The following SCIN variants were observed in gnomAD, a reference collection of about 807,000 sequenced individuals.
SCIN encodes the protein scinderin.
In SCIN, 91 loss-of-function variants were observed where a neutral mutation model predicts 91.8. The ratio of observed to expected loss-of-function variants is 0.99; its 90% CI spans 0.84 to 1.18. SCIN has a LOEUF of 1.18. Ranked by LOEUF, SCIN falls within the 50% of genes most tolerant of loss-of-function variation. The pLI is 0.00. For missense variants in SCIN, 1,087 were observed against 863.9 expected (o/e 1.26, Z -3.24); for synonymous variants, 367 against 312.6 (o/e 1.17, Z -1.84).
At chr7:12,613,825 C>G (rs981359846) in intron 4 of SCIN, among the ~76,000 whole-genome samples, 8 of 152,110 alleles carry the variant, frequency 5.3e-5, no homozygotes, top group African/African-American at 1.9e-4. Flanking sequence ...ATATAGTATT[C>G]TGCTCAGTGG....
intron 11 of SCIN, among the ~76,000 whole-genome samples, chr7:12,642,082 A>C (rs546740089): frequency 6.6e-6 from 1 of 151,508 alleles, no homozygotes; most frequent in Non-Finnish European, 1.5e-5. Context: ...TATTATATAT[A>C]TACTATTATC....
chr7:12,642,645 A>G (rs1783880285), intron 11 of SCIN, among the ~76,000 whole-genome samples: 1 of 150,162 alleles, frequency 6.7e-6, no homozygotes, highest in Non-Finnish European at 1.5e-5. Flanking sequence ...GTGACCTGCC[A>G]CATGCCACAA....
chr7:12,619,116 C>CAAT (rs1172125598), intron 4 of SCIN, among the ~76,000 whole-genome samples: 1 of 152,118 alleles, frequency 6.6e-6, no homozygotes, highest in Non-Finnish European at 1.5e-5. Context: ...ATAAGACCCT[C>CAAT]AATGATAAAT....
intron 4 of SCIN, among the ~76,000 whole-genome samples, chr7:12,619,644 A>G (rs1783366140): frequency 6.6e-6 from 1 of 152,146 alleles, no homozygotes; most frequent in South Asian, 2.1e-4. Flanking sequence ...GCTACGGGGA[A>G]AGAATGGGCA....
At position 12,604,931 on chromosome 7, in the gene SCIN, G is replaced by A. The variant is rs138207979; in HGVS notation, c.666+268G>A. On this transcript the variant is annotated intron_variant, in intron 4 of 15. Transcript: ENST00000297029. ...TGGGCCTATCTTCTATAGTATATGA[G>A]GTGAAACAAATGAGTGACACTTCTG... Among the ~76,000 whole-genome samples, 35 of 152,264 alleles carry A rather than the reference G, an allele frequency of 2.3e-4. No individual in the cohort carries two copies. In the East Asian group the frequency reaches 6.6e-3, roughly 29 times the overall value.
chr7:12,648,580 C>T (rs1784013344), intron 13 of SCIN, among the ~76,000 whole-genome samples: 1 of 152,152 alleles, frequency 6.6e-6, no homozygotes, highest in Non-Finnish European at 1.5e-5. Flanking sequence ...CAGGCATGAG[C>T]CACCACGCCC....
intron 3 of SCIN, among the ~76,000 whole-genome samples, chr7:12,593,002 G>A (rs1782758781): frequency 6.6e-6 from 1 of 152,256 alleles, no homozygotes; most frequent in South Asian, 2.1e-4. Context: ...GAGTGCAAGT[G>A]ATTCTTCACT....
At chr7:12,600,085 T>C (rs1782927422) in intron 3 of SCIN, among the ~76,000 whole-genome samples, 1 of 152,212 alleles carries the variant, frequency 6.6e-6, no homozygotes, top group Non-Finnish European at 1.5e-5. Flanking sequence ...AAGTCTTTGC[T>C]TAAGCCAATG....
rs1783034093 is a variant in SCIN at position 12,604,631 on chromosome 7, G to A, written c.634G>A (p.Glu212Lys). 1 of 1,552,188 alleles carries A rather than the reference G, an allele frequency of 6.4e-7. No individual in the cohort carries two copies. The highest frequency in any genetic ancestry group is 8.7e-7 in the Non-Finnish European group (1 of 1,147,112). The part of the protein sequence containing the change: ...RKGRSELIVV[E>K]EGSEPSELIK... ...AGGAAGGTCTGAACTAATTGTCGTGGAAGAAGGAAGTGAACCCTCAGAACT... is the reference window on the plus strand; with the variant it reads ...AGGAAGGTCTGAACTAATTGTCGTGAAAGAAGGAAGTGAACCCTCAGAACT... Residue 212 changes from glutamate (E) to lysine (K), a missense_variant, in exon 4 of 16, where the codon GAA (glutamate) becomes AAA (lysine). Physicochemically the swap from Glu to Lys is moderately conservative, Grantham distance 56. Transcript: ENST00000297029.
At chr7:12,613,843 T>C (rs770380901) in intron 4 of SCIN, among the ~76,000 whole-genome samples, 2 of 152,146 alleles carry the variant, frequency 1.3e-5, no homozygotes, top group African/African-American at 2.4e-5. Context: ...TGGAAACCAA[T>C]AGGAAATTCT....
At chr7:12,571,640 C>T (rs1271666186) in intron 1 of SCIN, 1 of 454,972 alleles carries the variant, frequency 2.2e-6, no homozygotes, top group South Asian at 1.6e-5. Context: ...GAAAAAAATA[C>T]AGATATTTTA....
Position 12,653,375 on chromosome 7 carries a change from A to C in SCIN, c.*660A>C, listed in dbSNP as rs1784120646. 1 of 152,172 alleles carries C rather than the reference A, an allele frequency of 6.6e-6. No individual in the cohort carries two copies. Among genetic ancestry groups the C allele is most frequent in the Non-Finnish European group, 1.5e-5 (1 of 68,030 alleles). 9.4% of individuals were successfully genotyped at this position (152,172 alleles called of 1,614,324 possible). On this transcript the variant is annotated 3_prime_UTR_variant, in exon 16 of 16. Transcript: ENST00000297029. The surrounding 1 kb of genome is among the most constrained non-coding windows in gnomAD (Gnocchi z 4.1). The stretch of plus-strand genomic sequence containing the variant: ...AGCCATTAGTCAGAGTTGTTTTTTA[A>C]CATGCCAGAGAAAAAGTTGTAATGC...
At chr7:12,635,982 G>A (rs1355427607) in intron 9 of SCIN, 63 bp from the exon 10 acceptor site, 20 of 1,156,448 alleles carry the variant, frequency 1.7e-5, no homozygotes, top group African/African-American at 4.6e-5. Flanking sequence ...TGCTTGCAAT[G>A]CCTACATGTG....
At position 12,629,111 on chromosome 7, in the gene SCIN, T is replaced by C. The variant is rs1783590565; in HGVS notation, c.1208T>C (p.Val403Ala). The C allele has an allele frequency of 1.2e-6, 2 of 1,612,122 alleles. No individual in the cohort carries two copies. Among genetic ancestry groups the C allele is most frequent in the East Asian group, 4.5e-5 (2 of 44,788 alleles). Residue 403 changes from valine (V) to alanine (A), a missense_variant, in exon 9 of 16, where the codon GTA becomes GCA. Coordinates refer to ENST00000297029, the MANE Select transcript of SCIN (RefSeq NM_001112706.3). ...DGSGKVEIWR[V>A]ENNGRIQVDQ... is the part of the protein sequence containing the mutation. ...TTCCATTCCTTCCAGATTTGGCGTG[T>C]AGAAAACAATGGTAGGATCCAAGTT...
intron 9 of SCIN, among the ~76,000 whole-genome samples, chr7:12,633,780 G>A (rs1444142735): frequency 2.6e-5 from 4 of 152,192 alleles, no homozygotes; most frequent in African/African-American, 7.2e-5. Context: ...AACAGACCCT[G>A]CGGTGGCCCA....
chr7:12,637,354 T>C (rs2115289125), intron 10 of SCIN, among the ~76,000 whole-genome samples: 1 of 152,276 alleles, frequency 6.6e-6, no homozygotes, highest in East Asian at 1.9e-4. Context: ...TAAAATAGCA[T>C]GGGTCCTTAT....
chr7:12,646,935 T>C (rs1021707312), intron 13 of SCIN, among the ~76,000 whole-genome samples: 1 of 152,210 alleles, frequency 6.6e-6, no homozygotes, highest in Admixed American at 6.5e-5. Context: ...ATACCACAAT[T>C]TGCTCACCTA....
intron 1 of SCIN, among the ~76,000 whole-genome samples, chr7:12,572,651 G>C (rs865909103): frequency 2.0e-5 from 3 of 152,136 alleles, no homozygotes; most frequent in African/African-American, 7.2e-5. Flanking sequence ...ACTATATTTT[G>C]TAGGGTTTAC....
chr7:12,659,318 C>T lies in SCIN; in HGVS notation c.*6603C>T, dbSNP rs1033259864. On this transcript the variant is annotated 3_prime_UTR_variant, in exon 16 of 16. Transcript: ENST00000297029. ...TTGTCTATGGACTTAATCTATGTCT[C>T]TATGAGCTGGTAAACAATAGACAGG... 1 of 152,182 alleles carries T rather than the reference C, an allele frequency of 6.6e-6. No individual in the cohort carries two copies. The highest frequency in any genetic ancestry group is 1.5e-5 in the Non-Finnish European group (1 of 68,034). 9.4% of individuals were successfully genotyped at this position (152,182 alleles called of 1,614,324 possible).
Sources: allele counts gnomAD v4.1 joint callset (sites outside exome capture counted in the v4.1 genomes callset), GRCh38; gene constraint gnomAD v4.1.1; non-coding constraint Gnocchi (gnomAD v3.1); transcripts MANE v1.5; gene names NCBI Gene and HGNC (gene_info 2026-07-23, HGNC 2026-07-21).